The following CSAD variants were observed in gnomAD, a reference collection of about 807,000 sequenced individuals.
CSAD encodes the protein cysteine sulfinic acid decarboxylase, also known as P-selectin cytoplasmic tail-associated protein.
CSAD carries 47 observed loss-of-function variants against 61.5 expected under a neutral mutation model. That is an observed-to-expected ratio of 0.76 (90% CI 0.60 to 0.97). CSAD has a LOEUF of 0.97. Ranked by LOEUF, CSAD falls within the 50% of genes least tolerant of loss-of-function variation. CSAD has a pLI of 0.00. For synonymous variants in CSAD, 245 were observed against 252.7 expected, an observed-to-expected ratio of 0.97 and a Z score of 0.29; for missense variants, 611 against 643.6, an observed-to-expected ratio of 0.95 and a Z score of 0.55.
At chr12:53,173,898 C>T (rs1940888049) in intron 2 of CSAD, 128 bp from the exon 3 acceptor site, 14 of 944,592 alleles carry the variant, frequency 1.5e-5, no homozygotes, top group Non-Finnish European at 2.3e-5. Flanking sequence ...TTTTCATCAC[C>T]CAAAAAAAAA....
At chr12:53,167,058 T>C (rs939978627) in intron 10 of CSAD, among the ~76,000 whole-genome samples, 1 of 152,188 alleles carries the variant, frequency 6.6e-6, no homozygotes, top group African/African-American at 2.4e-5. Context: ...GGATCCCTCT[T>C]TCCCTCTCAA....
intron 2 of CSAD, among the ~76,000 whole-genome samples, chr12:53,177,592 C>T (rs970511341): frequency 6.6e-6 from 1 of 152,088 alleles, no homozygotes; most frequent in African/African-American, 2.4e-5. Context: ...AGTTGGAAAC[C>T]AGCCTAAGGC....
rs996392413 is a variant in CSAD, at chr12:53,161,199, G to A, written c.820-8C>T. 6 of 1,614,168 alleles carry A rather than the reference G, an allele frequency of 3.7e-6. No individual in the cohort carries two copies. The highest frequency in any genetic ancestry group is 3.3e-5 in the Admixed American group (2 of 60,024). On this transcript the variant is annotated splice_region_variant and splice_polypyrimidine_tract_variant and intron_variant, in intron 11 of 16. Transcript: ENST00000444623. The stretch of plus-strand genomic sequence containing the variant: ...GCTCCCACCCCAGGCAGCCTGTGGA[G>A]CAGGAGGAACAACGTGGGCCTTGGC...
rs184875130 is a variant in CSAD at position 53,162,338 on chromosome 12, C to T, written c.703-949G>A. On this transcript the variant is annotated intron_variant, in intron 10 of 16. Transcript: ENST00000444623. ...TAATCCCAGCACTTTGGGAGGCCGA[C>T]GCGGGTGGATCACGAGATCAGGAGT... Among the ~76,000 whole-genome samples, 610 of 146,920 alleles carry T rather than the reference C, an allele frequency of 4.2e-3. 3 individuals carry two copies. The highest frequency in any genetic ancestry group is 0.013 in the Middle Eastern group (3 of 236).
intron 7 of CSAD, 32 bp downstream of exon 7, chr12:53,171,850 G>A (rs1427459456): frequency 7.1e-7 from 1 of 1,415,614 alleles, no homozygotes; most frequent in Non-Finnish European, 1.0e-6. Context: ...TCATAAAAAG[G>A]GCAAAGAAAG....
chr12:53,166,894 C>T (rs1418649299), intron 10 of CSAD, among the ~76,000 whole-genome samples: 1 of 152,110 alleles, frequency 6.6e-6, no homozygotes, highest in Non-Finnish European at 1.5e-5. Flanking sequence ...CTGAACTGTA[C>T]ATGTAAAAAT....
intron 8 of CSAD, 48 bp from the exon 9 acceptor site, chr12:53,170,550 G>T: frequency 1.4e-6 from 2 of 1,454,102 alleles, no homozygotes; most frequent in Non-Finnish European, 1.9e-6. Flanking sequence ...ATGGGGGAGG[G>T]GAGAGAAGGT....
intron 10 of CSAD, among the ~76,000 whole-genome samples, chr12:53,168,581 A>G (rs1940188493): frequency 6.6e-6 from 1 of 152,162 alleles, no homozygotes; most frequent in African/African-American, 2.4e-5. Flanking sequence ...ATAAATATTT[A>G]ATATATACAG....
At chr12:53,169,286 C>A (rs1285516240) in intron 10 of CSAD, among the ~76,000 whole-genome samples, 5 of 151,816 alleles carry the variant, frequency 3.3e-5, no homozygotes. Flanking sequence ...TTGAGACCAG[C>A]CTGACCAACA....
intron 13 of CSAD, 44 bp downstream of exon 13, chr12:53,160,719 T>A: frequency 6.8e-7 from 1 of 1,477,210 alleles, no homozygotes; most frequent in Non-Finnish European, 9.3e-7. Context: ...AAGGCAGAGC[T>A]CCAGAGAGAG....
chr12:53,176,718 CAA>C (rs879868299), intron 2 of CSAD, among the ~76,000 whole-genome samples: 1 of 130,498 alleles, frequency 7.7e-6, no homozygotes. Flanking sequence ...GACTCCATCT[CAA>C]AAAAAAAAAA....
At position 53,170,081 on chromosome 12, in the gene CSAD, G is replaced by T. The variant is rs11170453; in HGVS notation, c.693C>A (p.Ala231=). Residue 231 remains alanine, a synonymous_variant, in exon 10 of 17, where the codon GCC becomes GCA. Coordinates refer to ENST00000444623, the MANE Select transcript of CSAD (RefSeq NM_001244705.2). ...AGCCTCACTGACTCACCTCAGCCTC[G>T]GCCATACCAATCTGCCTCTCCAGAT... ...PEDLERQIGM[A]EAEGAVPFLV... is the part of the protein sequence containing the mutation. 2 of 1,613,654 alleles carry T rather than the reference G, an allele frequency of 1.2e-6. No individual in the cohort carries two copies. Among genetic ancestry groups the T allele is most frequent in the African/African-American group, 2.7e-5 (2 of 74,868 alleles).
intron 1 of CSAD, chr12:53,179,726 C>A (rs77274322): frequency 2.1e-5 from 23 of 1,103,436 alleles, no homozygotes; most frequent in Non-Finnish European, 2.3e-5. Context: ...TTTTTTTTTT[C>A]TTTTGGTATC....
intron 2 of CSAD, chr12:53,173,983 TTTGTC>T: frequency 1.7e-6 from 1 of 575,380 alleles, no homozygotes; most frequent in Non-Finnish European, 3.1e-6. Context: ...TTTCTGTAGA[TTTGTC>T]TAGTCTGGCC....
chr12:53,167,515 A>C (rs1940076611), intron 10 of CSAD, among the ~76,000 whole-genome samples: 1 of 152,252 alleles, frequency 6.6e-6, no homozygotes, highest in Non-Finnish European at 1.5e-5. Flanking sequence ...TATATTTATG[A>C]ATGTCAGTCT....
chr12:53,161,882 C>T (rs1939324750), intron 10 of CSAD, among the ~76,000 whole-genome samples: 1 of 152,006 alleles, frequency 6.6e-6, no homozygotes, highest in East Asian at 1.9e-4. Context: ...ATTGCTTGAG[C>T]CCAGGAGTTT....
chr12:53,158,795 C>G (rs1382142096), intron 16 of CSAD, 111 bp from the exon 17 acceptor site: 1 of 983,782 alleles, frequency 1.0e-6, no homozygotes, highest in African/African-American at 1.6e-5. Flanking sequence ...ACCCAGCCAC[C>G]TTCTGGGGGT....
intron 1 of CSAD, chr12:53,180,350 CCG>C: frequency 1.0e-6 from 1 of 985,426 alleles, no homozygotes; most frequent in South Asian, 4.7e-5. Flanking sequence ...GGCAGGACGT[CCG>C]CGAGGAAGAA....
chr12:53,181,101 C>T (rs1048945597), upstream of CSAD: 6 of 936,782 alleles, frequency 6.4e-6, no homozygotes, highest in Non-Finnish European at 7.6e-6. Flanking sequence ...CGCTTCTCGG[C>T]ACTCTCCGGC....
Sources: allele counts gnomAD v4.1 joint callset (sites outside exome capture counted in the v4.1 genomes callset), GRCh38; gene constraint gnomAD v4.1.1; transcripts MANE v1.5; gene names NCBI Gene and HGNC (gene_info 2026-07-23, HGNC 2026-07-21).